Variants in PTCH1 observed in about 807,000 individuals in gnomAD.
The protein encoded by PTCH1 is patched 1.
Under a neutral mutation model 144.6 loss-of-function variants are expected in PTCH1, and 14 were observed. That is an observed-to-expected ratio of 0.10 (90% CI 0.06 to 0.15). PTCH1 has a LOEUF of 0.15. Among genes scored for constraint, PTCH1 ranks in the 10% least tolerant of loss-of-function variants. The probability of loss-of-function intolerance (pLI) is 1.00; values close to 1 mark genes in which losing one functional copy is unlikely to be tolerated. For synonymous variants in PTCH1, 833 were observed against 793.6 expected, an observed-to-expected ratio of 1.05 and a Z score of -0.83; for missense variants, 1,623 against 1,948.3, an observed-to-expected ratio of 0.83 and a Z score of 3.14.
At chr9:95,508,108 C>T (rs1400324827) in intron 1 of PTCH1, 53 bp downstream of exon 1, 3 of 1,604,264 alleles carry the variant, frequency 1.9e-6, no homozygotes, top group Non-Finnish European at 2.6e-6. Context: ...GGGGGCGATC[C>T]CAAAGAGTTA....
chr9:95,470,630 G>A (rs536859408), intron 12 of PTCH1, among the ~76,000 whole-genome samples: 2 of 152,288 alleles, frequency 1.3e-5, no homozygotes, highest in South Asian at 2.1e-4. Context: ...TGCTGACCTA[G>A]TAAAAATTAC....
chr9:95,506,629 C>A (rs1322920223), intron 1 of PTCH1, 30 bp from the exon 2 acceptor site: 1 of 1,553,582 alleles, frequency 6.4e-7, no homozygotes, highest in Non-Finnish European at 8.7e-7. Context: ...GAGGAGTGAG[C>A]GCCGGGGAGT....
intron 22 of PTCH1, among the ~76,000 whole-genome samples, chr9:95,448,462 G>A (rs1284794705): frequency 6.6e-6 from 1 of 152,156 alleles, no homozygotes; most frequent in African/African-American, 2.4e-5. Context: ...CCGAGGAGGG[G>A]CTCCCAGGCT....
At position 95,449,341 on chromosome 9, in the gene PTCH1, A is replaced by G; in HGVS notation, c.3550-18T>C. 1.9e-6 allele frequency: 3 copies of G among 1,542,474 alleles called. No individual in the cohort carries two copies. Among genetic ancestry groups the G allele is most frequent in the African/African-American group, 1.4e-5 (1 of 73,388 alleles). On this transcript the variant is annotated intron_variant, in intron 21 of 23. Coordinates refer to ENST00000331920, the MANE Select transcript of PTCH1 (RefSeq NM_000264.5). The surrounding 1 kb of genome is among the most constrained non-coding windows in gnomAD (Gnocchi z 5.3). ...GGAGACACCTATTTAAGGGGATTCC[A>G]TGTTAAAAGTGTTCTTGTCCATTTA... is the stretch of plus-strand genomic sequence containing the variant.
chr9:95,502,442 T>C (rs1843211499), intron 2 of PTCH1, among the ~76,000 whole-genome samples: 1 of 152,228 alleles, frequency 6.6e-6, no homozygotes, highest in South Asian at 2.1e-4. Context: ...TCTATTTTTA[T>C]ACAATGACAA....
intron 7 of PTCH1, 50 bp downstream of exon 7, chr9:95,479,919 G>A (rs1841390673): frequency 5.0e-6 from 8 of 1,613,962 alleles, no homozygotes; most frequent in Non-Finnish European, 6.8e-6. Context: ...TGGCTTTTGA[G>A]GAAAGGAAGA....
intron 7 of PTCH1, chr9:95,479,728 T>C (rs999187654): frequency 8.1e-6 from 5 of 619,704 alleles, no homozygotes; most frequent in East Asian, 2.9e-5. Context: ...TTAAACCCTA[T>C]AGTCAGGAAC....
chr9:95,446,267 A>G lies in PTCH1; in HGVS notation c.*126T>C. The G allele has an allele frequency of 4.3e-6, 2 of 462,490 alleles. No individual in the cohort carries two copies. The highest frequency in any genetic ancestry group is 8.6e-6 in the Non-Finnish European group (2 of 232,016). The allele number at this position is 462,490 out of a possible 1,614,324, so 28.6% of individuals were successfully genotyped here. A position where few individuals can be genotyped will look rare whatever the true frequency, so the allele number is the denominator to read the frequency against. On this transcript the variant is annotated 3_prime_UTR_variant, in exon 24 of 24. Transcript: ENST00000331920. ...AATACAATCGGTTACAGTAACAATG[A>G]ACTGCTGTCCTGGCACAGGGCATCT...
At chr9:95,512,850 C>T (rs1270744000), upstream of PTCH1, among the ~76,000 whole-genome samples, 3 of 152,174 alleles carry the variant, frequency 2.0e-5, no homozygotes, top group Non-Finnish European at 4.4e-5. Flanking sequence ...AACTTGGGGC[C>T]TTATCAGCCA....
Position 95,458,176 on chromosome 9 carries a change from G to A in PTCH1, c.3005C>T (p.Thr1002Met), listed in dbSNP as rs769924767. ...EKVRTICSNY[T>M]SLGLSSYPNG... is the part of the protein sequence containing the mutation. ...GGGGTAACTGGACAGCCCCAGGCTC[G>A]TATAGTTGCTGCAGATGGTCCTTAC... Residue 1002 changes from threonine to methionine, a missense_variant, in exon 18 of 24, where the codon ACG becomes ATG. By Grantham distance (81) the Thr-to-Met change is moderately conservative. Coordinates refer to ENST00000331920, the MANE Select transcript of PTCH1 (RefSeq NM_000264.5). This position sits in a 1 kb window ranked among gnomAD's most constrained non-coding sequence, Gnocchi z 4.7. The A allele has an allele frequency of 3.4e-5, 55 of 1,614,056 alleles. No individual in the cohort carries two copies. Among genetic ancestry groups the A allele is most frequent in the Non-Finnish European group, 4.4e-5 (52 of 1,180,048 alleles).
intron 12 of PTCH1, among the ~76,000 whole-genome samples, chr9:95,471,095 G>T (rs1240576971): frequency 8.5e-6 from 1 of 117,830 alleles, no homozygotes; most frequent in South Asian, 2.3e-4. Context: ...AAAAAAAAAA[G>T]AAAGAAAGAA....
At chr9:95,516,741 C>T (rs1844384200) in exon 1 of PTCH1, 3 of 1,613,286 alleles carry the variant, frequency 1.9e-6, no homozygotes, top group Non-Finnish European at 2.5e-6. Context: ...AAAACCCCGG[C>T]GCGCTGGGCC....
chr9:95,500,498 GA>G (rs1283412309), intron 2 of PTCH1, among the ~76,000 whole-genome samples: 12 of 152,202 alleles, frequency 7.9e-5, no homozygotes, highest in Admixed American at 2.6e-4. Context: ...CCAGGGAGCA[GA>G]AAGGAGCTGC....
At position 95,449,022 on chromosome 9, in the gene PTCH1, T is replaced by A; in HGVS notation, c.3804+47A>T. 6.2e-7 allele frequency: 1 copy of A among 1,611,298 alleles called. No individual in the cohort carries two copies. The highest frequency in any genetic ancestry group is 8.5e-7 in the Non-Finnish European group (1 of 1,177,838). The stretch of plus-strand genomic sequence containing the variant: ...GCCCCCGCTGGACCTCCAGGCCCAC[T>A]ACCACGGTGGGAAGACCCCTCCCCC... On this transcript the variant is annotated intron_variant, in intron 22 of 23. Transcript: ENST00000331920. The surrounding 1 kb of genome is among the most constrained non-coding windows in gnomAD (Gnocchi z 5.3).
In PTCH1 at chr9:95,476,446, CT is replaced by C. The variant is rs1841042011; in HGVS notation, c.1603-288del. ...AAAAGGGAGTGGAGGGAGGTGATGG[CT>C]AAGTGACAGACATCTCCAGAGAAGC... On this transcript the variant is annotated intron_variant, in intron 11 of 23. Transcript: ENST00000331920. This position sits in a 1 kb window ranked among gnomAD's most constrained non-coding sequence, Gnocchi z 4.6. Among the ~76,000 whole-genome samples the C allele has an allele frequency of 1.3e-5, 2 of 152,070 alleles. No individual in the cohort carries two copies. Among genetic ancestry groups the C allele is most frequent in the Non-Finnish European group, 2.9e-5 (2 of 68,020 alleles).
chr9:95,459,544 G>A, intron 17 of PTCH1, 56 bp downstream of exon 17: 1 of 1,598,146 alleles, frequency 6.3e-7, no homozygotes, highest in East Asian at 2.2e-5. Context: ...TGAGTTTGGA[G>A]AACCAGGGAA....
intron 12 of PTCH1, among the ~76,000 whole-genome samples, chr9:95,471,337 G>T (rs1345621495): frequency 6.6e-6 from 1 of 152,144 alleles, no homozygotes; most frequent in Non-Finnish European, 1.5e-5. Flanking sequence ...CCTCTCAAGA[G>T]CGTTCTTCTA....
At chr9:95,480,693 A>G (rs1841471317) in intron 5 of PTCH1, 105 bp from the exon 6 acceptor site, 1 of 1,167,400 alleles carries the variant, frequency 8.6e-7, no homozygotes, top group Admixed American at 1.8e-5. Flanking sequence ...GGTTCCTGGC[A>G]ATGCTGCAGT....
chr9:95,483,291 T>G (rs1346019146), intron 3 of PTCH1: 1 of 151,610 alleles, frequency 6.6e-6, no homozygotes, highest in Non-Finnish European at 1.5e-5. Context: ...ATCGGGAGTT[T>G]TATTGTCTCT....
Sources: allele counts gnomAD v4.1 joint callset (sites outside exome capture counted in the v4.1 genomes callset), GRCh38; gene constraint gnomAD v4.1.1; non-coding constraint Gnocchi (gnomAD v3.1); transcripts MANE v1.5; gene names NCBI Gene and HGNC (gene_info 2026-07-23, HGNC 2026-07-21).